The following MYRFL variants were observed in gnomAD, a reference collection of about 807,000 sequenced individuals.
MYRFL encodes the protein myelin regulatory factor-like protein.
MYRFL carries 88 observed loss-of-function variants against 109.4 expected under a neutral mutation model. The ratio of observed to expected loss-of-function variants is 0.80; its 90% CI spans 0.68 to 0.96. The LOEUF is 0.96. MYRFL is among the 40% of genes least tolerant of loss of function. MYRFL has a pLI of 0.00. For missense variants in MYRFL, 957 were observed against 954.9 expected (o/e 1.00, Z -0.03); for synonymous variants, 324 against 320.9 (o/e 1.01, Z -0.10).
At chr12:69,940,041 A>G (rs924179290) in intron 19 of MYRFL, among the ~76,000 whole-genome samples, 4 of 151,072 alleles carry the variant, frequency 2.6e-5, no homozygotes, top group African/African-American at 4.9e-5. Flanking sequence ...TCCAAGAAAT[A>G]TGGGACTATG....
chr12:69,855,466 A>C, intron 2 of MYRFL, 96 bp downstream of exon 2: 2 of 621,594 alleles, frequency 3.2e-6, no homozygotes, highest in Non-Finnish European at 2.9e-6. Context: ...TGTTTTCCAA[A>C]ATAACTTGGG....
chr12:69,938,118 A>ACTT (rs1955526972), intron 19 of MYRFL, among the ~76,000 whole-genome samples: 1 of 152,196 alleles, frequency 6.6e-6, no homozygotes, highest in African/African-American at 2.4e-5. Context: ...AGAACTAAAA[A>ACTT]CTTCATTTTA....
chr12:69,921,035 C>A (rs749861685), intron 13 of MYRFL, among the ~76,000 whole-genome samples: 1 of 152,122 alleles, frequency 6.6e-6, no homozygotes, highest in East Asian at 1.9e-4. Flanking sequence ...TACATCACAA[C>A]TGTAGAGTGG....
At chr12:69,840,859 T>C (rs1883205479) in intron 1 of MYRFL, among the ~76,000 whole-genome samples, 1 of 152,174 alleles carries the variant, frequency 6.6e-6, no homozygotes, top group African/African-American at 2.4e-5. Flanking sequence ...AAAACCCACG[T>C]GGGGGTTGCC....
At chr12:69,853,850 C>T (rs182667314) in intron 1 of MYRFL, among the ~76,000 whole-genome samples, 124 of 150,878 alleles carry the variant, frequency 8.2e-4, no homozygotes, top group African/African-American at 3.0e-3. Context: ...AGAGGCGCTC[C>T]TCATTTCCCA....
chr12:69,904,776 C>T (rs1429131705), intron 11 of MYRFL, among the ~76,000 whole-genome samples: 1 of 152,208 alleles, frequency 6.6e-6, no homozygotes, highest in African/African-American at 2.4e-5. Context: ...TACTACTTCT[C>T]TTGACAGCAT....
intron 10 of MYRFL, among the ~76,000 whole-genome samples, chr12:69,897,896 G>A (rs1954051665): frequency 6.6e-6 from 1 of 152,234 alleles, no homozygotes; most frequent in Admixed American, 6.5e-5. Context: ...TGAATGATTG[G>A]TCACAGCTGT....
chr12:69,952,670 A>C, intron 20 of MYRFL, 129 bp from the exon 21 acceptor site: 1 of 633,004 alleles, frequency 1.6e-6, no homozygotes, highest in Non-Finnish European at 2.6e-6. Flanking sequence ...CCATTTGAAT[A>C]CAAATGGAAT....
At position 69,825,248 on chromosome 12, in the gene MYRFL, A is replaced by G; in HGVS notation, c.-270A>G. 1.6e-6 allele frequency: 1 copy of G among 627,674 alleles called. No homozygotes were observed. The allele number at this position is 627,674 out of a possible 1,614,324, so 38.9% of individuals were successfully genotyped here. ...AAGCAGAGTAGAAACAGTTCCTTAT[A>G]TTAAGACAGATGAATTTGCTACCTC... On this transcript the variant is annotated 5_prime_UTR_variant, in exon 1 of 25. In the 5' UTR this introduces an upstream ATG that the reference lacks. Coordinates refer to ENST00000552032, the MANE Select transcript of MYRFL (RefSeq NM_182530.3).
chr12:69,825,580 C>T lies in MYRFL; in HGVS notation c.46+17C>T, dbSNP rs1405219186. ...TCTTTGAAGGTAAGAGGCCAATTTC[C>T]AGCATGAATTTGCTGCTTCTGAGAA... On this transcript the variant is annotated intron_variant, in intron 1 of 24. Transcript: ENST00000552032. 4 of 700,334 alleles carry T rather than the reference C, an allele frequency of 5.7e-6. No homozygotes were observed. Among genetic ancestry groups the T allele is most frequent in the Non-Finnish European group, 1.0e-5 (4 of 383,826 alleles). The allele number at this position is 700,334 out of a possible 1,614,324, so 43.4% of individuals were successfully genotyped here.
chr12:69,921,327 G>A (rs1327635098), intron 13 of MYRFL, among the ~76,000 whole-genome samples: 1 of 152,128 alleles, frequency 6.6e-6, no homozygotes, highest in Non-Finnish European at 1.5e-5. Flanking sequence ...ACAAGTGTGA[G>A]CTAATGTGTC....
In MYRFL at chr12:69,854,346, GGAGGGAGAGGGA is replaced by G. The variant is rs138931391; in HGVS notation, c.47-911_47-900del. On this transcript the variant is annotated intron_variant, in intron 1 of 24. Transcript: ENST00000552032. ...AGAGGGAGACCGTGGAGGGGGAGGG[GGAGGGAGAGGGA>G]GAGGGAGAGGGAGAGGGAGAGGATT... Among the ~76,000 whole-genome samples the G allele has an allele frequency of 5.8e-3, 819 of 141,764 alleles. 8 individuals carry two copies. Among genetic ancestry groups the G allele is most frequent in the Non-Finnish European group, 9.6e-3 (629 of 65,470 alleles). The allele number at this position is 141,764 out of a possible 152,430, so 93.0% of individuals were successfully genotyped here. A position where few individuals can be genotyped will look rare whatever the true frequency, so the allele number is the denominator to read the frequency against.
At chr12:69,839,732 A>G (rs573141999) in intron 1 of MYRFL, among the ~76,000 whole-genome samples, 1 of 152,330 alleles carries the variant, frequency 6.6e-6, no homozygotes, top group South Asian at 2.1e-4. Context: ...TTAGCATAGT[A>G]TTGGTACATA....
At chr12:69,856,841 G>T (rs181198376) in intron 2 of MYRFL, among the ~76,000 whole-genome samples, 2 of 151,838 alleles carry the variant, frequency 1.3e-5, no homozygotes, top group Non-Finnish European at 3.0e-5. Context: ...CAAGTTTGTC[G>T]TTTATGTTTT....
chr12:69,912,800 T>C (rs1954613826), intron 13 of MYRFL, among the ~76,000 whole-genome samples: 1 of 152,152 alleles, frequency 6.6e-6, no homozygotes, highest in Non-Finnish European at 1.5e-5. Context: ...CTGTTTTCAA[T>C]TTAGGGGGAA....
intron 1 of MYRFL, among the ~76,000 whole-genome samples, chr12:69,832,627 G>C (rs1882697356): frequency 6.6e-6 from 1 of 152,088 alleles, no homozygotes; most frequent in African/African-American, 2.4e-5. Flanking sequence ...TCTGGGAGAA[G>C]AACATTTTAG....
intron 15 of MYRFL, among the ~76,000 whole-genome samples, chr12:69,930,727 G>A (rs943786830): frequency 6.0e-5 from 9 of 150,974 alleles, no homozygotes; most frequent in Non-Finnish European, 7.4e-5. Context: ...TGGGAGGATC[G>A]CTTGAGCCCA....
chr12:69,857,388 C>T (rs1184857646), intron 2 of MYRFL, among the ~76,000 whole-genome samples: 2 of 151,768 alleles, frequency 1.3e-5, no homozygotes, highest in African/African-American at 4.8e-5. Flanking sequence ...TCTTTGACTT[C>T]CCACATAAAC....
rs926184938 is a variant in MYRFL, at chr12:69,936,143, T to G, written c.1947T>G (p.Leu649=). 1.4e-4 allele frequency: 207 copies of G among 1,476,144 alleles called. No homozygotes were observed. Among genetic ancestry groups the G allele is most frequent in the Non-Finnish European group, 1.7e-4 (192 of 1,105,470 alleles). 91.4% of individuals were successfully genotyped at this position (1,476,144 alleles called of 1,614,324 possible). The stretch of plus-strand genomic sequence containing the variant: ...TGACGATAGTTGCCCTCTATATACT[T>G]AGCTTAAAAGATCAAGACCGACGTG... ...CALTIVALYI[L]SLKDQDRRVP... The change falls in exon 17 of 25, where the codon CTT becomes CTG. Residue 649 remains leucine (L), a synonymous_variant. Coordinates refer to ENST00000552032, the MANE Select transcript of MYRFL (RefSeq NM_182530.3).
Sources: allele counts gnomAD v4.1 joint callset (sites outside exome capture counted in the v4.1 genomes callset), GRCh38; gene constraint gnomAD v4.1.1; transcripts MANE v1.5; gene names NCBI Gene and HGNC (gene_info 2026-07-23, HGNC 2026-07-21).